The following ARMC3 variants were observed in gnomAD, a reference collection of about 807,000 sequenced individuals.
The protein encoded by ARMC3 is armadillo repeat containing 3.
A neutral mutation model predicts 90.3 loss-of-function variants in ARMC3; 74 were observed. That is an observed-to-expected ratio of 0.82 (90% confidence interval 0.68 to 0.99). The LOEUF is 0.99. Among genes scored for constraint, ARMC3 ranks in the 50% least tolerant of loss-of-function variants. The pLI, the probability that ARMC3 is intolerant of heterozygous loss-of-function variation, is 0.00. For synonymous variants in ARMC3, 334 were observed against 361.8 expected, an observed-to-expected ratio of 0.92 and a Z score of 0.87; for missense variants, 958 against 1,042.8, an observed-to-expected ratio of 0.92 and a Z score of 1.12.
At chr10:23,004,088 G>T (rs1837458971) in intron 13 of ARMC3, among the ~76,000 whole-genome samples, 1 of 151,104 alleles carries the variant, frequency 6.6e-6, no homozygotes, top group African/African-American at 2.5e-5. Context: ...GTTCGAGGAT[G>T]TAGTGAGCTA....
At chr10:22,952,289 G>A (rs984622097) in intron 3 of ARMC3, among the ~76,000 whole-genome samples, 3 of 152,108 alleles carry the variant, frequency 2.0e-5, no homozygotes, top group South Asian at 4.1e-4. Context: ...GATAAACCTC[G>A]AGATGGATTG....
intron 3 of ARMC3, among the ~76,000 whole-genome samples, chr10:22,953,497 G>T (rs1377214828): frequency 6.6e-6 from 1 of 152,068 alleles, no homozygotes; most frequent in African/African-American, 2.4e-5. Context: ...GATAAAATAT[G>T]TCTGCAAAGT....
At chr10:22,978,715 TGAA>T (rs1018147204) in intron 8 of ARMC3, among the ~76,000 whole-genome samples, 2 of 152,170 alleles carry the variant, frequency 1.3e-5, no homozygotes, top group African/African-American at 2.4e-5. Flanking sequence ...CATATAATCA[TGAA>T]GAAGTTTAAA....
Position 23,030,753 on chromosome 10 carries a change from C to G in ARMC3, c.2203C>G (p.Leu735Val), listed in dbSNP as rs1288177269. The change falls in exon 17 of 19, where the codon CTG becomes GTG. Residue 735 changes from leucine to valine, a missense_variant. By Grantham distance (32) the Leu-to-Val change is conservative (BLOSUM62 1). Transcript: ENST00000298032. ...TGTGTATGAGGTGACCAAATCAATA[C>G]TGCCAATAACCAATATTAAGGAACA... ...MYVYEVTKSI[L>V]PITNIKEQIE... 3.7e-6 allele frequency: 6 copies of G among 1,613,526 alleles called. No homozygotes were observed. Among genetic ancestry groups the G allele is most frequent in the Non-Finnish European group, 2.5e-6 (3 of 1,179,700 alleles).
At chr10:22,961,706 T>C (rs568886267) in intron 6 of ARMC3, 178 bp from the exon 7 acceptor site, 1 of 566,348 alleles carries the variant, frequency 1.8e-6, no homozygotes, top group African/African-American at 1.9e-5. Flanking sequence ...ACAGTTAAAA[T>C]AAATTTTGAT....
At chr10:22,934,135 G>C (rs978364995) in intron 2 of ARMC3, among the ~76,000 whole-genome samples, 1 of 152,154 alleles carries the variant, frequency 6.6e-6, no homozygotes, top group Non-Finnish European at 1.5e-5. Context: ...TTCTCTGTCA[G>C]CCAATAGTAA....
chr10:22,998,892 A>T (rs949305105), intron 11 of ARMC3, among the ~76,000 whole-genome samples: 2 of 152,250 alleles, frequency 1.3e-5, no homozygotes, highest in African/African-American at 4.8e-5. Flanking sequence ...AAGTATGCAA[A>T]GCTAAGCACT....
At chr10:23,005,270 G>A (rs1366709297) in intron 13 of ARMC3, among the ~76,000 whole-genome samples, 1 of 150,398 alleles carries the variant, frequency 6.6e-6, no homozygotes, top group Non-Finnish European at 1.5e-5. Flanking sequence ...GAAAACTGAC[G>A]GGAAAAGCCG....
intron 3 of ARMC3, among the ~76,000 whole-genome samples, chr10:22,951,479 T>C (rs1490843308): frequency 1.3e-5 from 2 of 152,092 alleles, no homozygotes; most frequent in African/African-American, 4.8e-5. Context: ...TTTTTTCAAG[T>C]GGATACAGAA....
chr10:22,984,417 GA>G (rs1263022542), intron 10 of ARMC3, among the ~76,000 whole-genome samples: 1 of 152,142 alleles, frequency 6.6e-6, no homozygotes, highest in Non-Finnish European at 1.5e-5. Context: ...CAGGGAAGGA[GA>G]AATGTACTTG....
intron 16 of ARMC3, among the ~76,000 whole-genome samples, chr10:23,011,742 A>G (rs1293079426): frequency 6.6e-6 from 1 of 152,172 alleles, no homozygotes; most frequent in East Asian, 1.9e-4. Flanking sequence ...AAGGGACCAA[A>G]TCTGGCCCCA....
chr10:23,003,975 T>C (rs1837452093), intron 13 of ARMC3, among the ~76,000 whole-genome samples: 1 of 152,098 alleles, frequency 6.6e-6, no homozygotes, highest in Non-Finnish European at 1.5e-5. Flanking sequence ...AGTGAGACCC[T>C]GTCTCTATAA....
At chr10:22,950,658 C>G (rs879655690) in intron 3 of ARMC3, among the ~76,000 whole-genome samples, 1 of 151,958 alleles carries the variant, frequency 6.6e-6, no homozygotes, top group Non-Finnish European at 1.5e-5. Context: ...TATAAATGTC[C>G]TAAATACCTT....
At chr10:22,957,956 G>T (rs1027011187) in intron 4 of ARMC3, among the ~76,000 whole-genome samples, 5 of 152,100 alleles carry the variant, frequency 3.3e-5, no homozygotes, top group Non-Finnish European at 7.4e-5. Flanking sequence ...CAGCACTTTG[G>T]GAGGCTGAGG....
intron 16 of ARMC3, among the ~76,000 whole-genome samples, chr10:23,020,894 C>T (rs980680491): frequency 6.6e-6 from 1 of 152,080 alleles, no homozygotes; most frequent in African/African-American, 2.4e-5. Context: ...TATGAATGAT[C>T]CTGTCACCCA....
intron 3 of ARMC3, among the ~76,000 whole-genome samples, chr10:22,949,447 A>T (rs1834656690): frequency 6.6e-6 from 1 of 152,220 alleles, no homozygotes; most frequent in South Asian, 2.1e-4. Context: ...ACTTCTAGAG[A>T]TGAAAACTTC....
intron 3 of ARMC3, chr10:22,946,723 C>T (rs2131190411): frequency 6.5e-6 from 1 of 152,704 alleles, no homozygotes; most frequent in East Asian, 1.9e-4. Context: ...CTCTTGACTT[C>T]AAGGAGGTGA....
chr10:23,013,047 C>A (rs1838094904), intron 16 of ARMC3, among the ~76,000 whole-genome samples: 1 of 152,086 alleles, frequency 6.6e-6, no homozygotes, highest in South Asian at 2.1e-4. Context: ...TGCCATCATG[C>A]CCAGCTAATT....
intron 16 of ARMC3, among the ~76,000 whole-genome samples, chr10:23,009,792 C>T (rs1316280358): frequency 3.3e-5 from 5 of 152,176 alleles, no homozygotes; most frequent in Admixed American, 6.5e-5. Context: ...CCACCCTGCT[C>T]GGCCCCACAT....
Sources: allele counts gnomAD v4.1 joint callset (sites outside exome capture counted in the v4.1 genomes callset), GRCh38; gene constraint gnomAD v4.1.1; transcripts MANE v1.5; gene names NCBI Gene and HGNC (gene_info 2026-07-23, HGNC 2026-07-21).